Variants in EPHA7 observed in about 807,000 individuals in gnomAD.
EPHA7 encodes the protein EPH receptor A7, also known as ephrin type-A receptor 7.
A neutral mutation model predicts 112.6 loss-of-function variants in EPHA7; 25 were observed. The ratio of observed to expected loss-of-function variants is 0.22; its 90% CI spans 0.16 to 0.31. The LOEUF is 0.31. EPHA7 is among the 10% of genes least tolerant of loss of function. The probability of loss-of-function intolerance (pLI) is 1.00; values close to 1 mark genes in which losing one functional copy is unlikely to be tolerated. For missense variants in EPHA7, 962 were observed against 1,212.6 expected (o/e 0.79, Z 3.07); for synonymous variants, 437 against 406.5 (o/e 1.07, Z -0.90).
At chr6:93,312,100 C>T (rs539934852) in intron 5 of EPHA7, among the ~76,000 whole-genome samples, 1 of 152,092 alleles carries the variant, frequency 6.6e-6, no homozygotes, top group Non-Finnish European at 1.5e-5. Flanking sequence ...ATTTAAGGGC[C>T]CTAAGATTTC....
intron 3 of EPHA7, among the ~76,000 whole-genome samples, chr6:93,381,224 G>A (rs548817427): frequency 6.6e-6 from 1 of 152,184 alleles, no homozygotes; most frequent in East Asian, 1.9e-4. Context: ...ATTACAAATT[G>A]AGAAACTTTA....
At chr6:93,265,404 T>C (rs768007734) in intron 7 of EPHA7, among the ~76,000 whole-genome samples, 7 of 151,704 alleles carry the variant, frequency 4.6e-5, no homozygotes, top group African/African-American at 9.7e-5. Flanking sequence ...TACTAAATAA[T>C]TCTTCTATGC....
intron 2 of EPHA7, among the ~76,000 whole-genome samples, chr6:93,413,589 T>C (rs1056812608): frequency 6.6e-6 from 1 of 151,908 alleles, no homozygotes; most frequent in African/African-American, 2.4e-5. Context: ...GTTATATTCA[T>C]ACCTCCAACT....
chr6:93,243,480 A>C lies in EPHA7; in HGVS notation c.2943T>G (p.Ile981Met). 5.6e-6 allele frequency: 9 copies of C among 1,613,618 alleles called. No homozygotes were observed. Among genetic ancestry groups the C allele is most frequent in the Non-Finnish European group, 7.6e-6 (9 of 1,179,636 alleles). Reference sequence around the variant, plus strand: ...GTAGCATTTGTGCTCTCATAGTCTGAATGCTGCTCATGATTTTCTTTTGAT... The same window carrying C: ...GTAGCATTTGTGCTCTCATAGTCTGCATGCTGCTCATGATTTTCTTTTGAT... ...VGHQKKIMSS[I>M]QTMRAQMLHL... Residue 981 changes from isoleucine (I) to methionine (M), a missense_variant, in exon 17 of 17, where the codon ATT (isoleucine) becomes ATG (methionine). Around this residue, in one of 3 missense-constraint regions of EPHA7, gnomAD observed 746 missense variants for 889.2 expected, o/e 0.84. Coordinates refer to ENST00000369303, the MANE Select transcript of EPHA7 (RefSeq NM_004440.4).
At chr6:93,268,309 A>G (rs9351355) in intron 7 of EPHA7, among the ~76,000 whole-genome samples, 67,549 of 151,408 alleles carry the variant, frequency 0.45, 15,914 homozygotes, top group South Asian at 0.7. Flanking sequence ...TTATTTTAAA[A>G]TGTAACAAAA....
At chr6:93,327,849 T>C (rs1407894935) in intron 5 of EPHA7, among the ~76,000 whole-genome samples, 1 of 151,500 alleles carries the variant, frequency 6.6e-6, no homozygotes, top group Non-Finnish European at 1.5e-5. Context: ...GCAGCGAGAT[T>C]GTTAATGAGA....
intron 5 of EPHA7, among the ~76,000 whole-genome samples, chr6:93,289,061 C>A (rs563628076): frequency 1.1e-4 from 17 of 151,946 alleles, no homozygotes; most frequent in Middle Eastern, 6.3e-3. Flanking sequence ...TATCAATTAT[C>A]TAAAATTTCC....
At chr6:93,394,369 G>A (rs1778061476) in intron 3 of EPHA7, among the ~76,000 whole-genome samples, 1 of 151,546 alleles carries the variant, frequency 6.6e-6, no homozygotes, top group South Asian at 2.1e-4. Context: ...TCAGAACTCA[G>A]CGAAGTTACT....
intron 3 of EPHA7, among the ~76,000 whole-genome samples, chr6:93,393,816 G>A (rs775717408): frequency 6.6e-6 from 1 of 151,616 alleles, no homozygotes; most frequent in Non-Finnish European, 1.5e-5. Flanking sequence ...CTGCCTTTTA[G>A]CCAAATCATA....
chr6:93,264,863 T>G (rs1022602977), intron 7 of EPHA7, among the ~76,000 whole-genome samples, 161 bp from the exon 8 acceptor site: 3 of 151,706 alleles, frequency 2.0e-5, no homozygotes, highest in Non-Finnish European at 4.4e-5. Flanking sequence ...ATTTCTGCCT[T>G]TTAAAGAACT....
chr6:93,309,203 C>A (rs1348338645), intron 5 of EPHA7, among the ~76,000 whole-genome samples: 1 of 152,202 alleles, frequency 6.6e-6, no homozygotes, highest in African/African-American at 2.4e-5. Flanking sequence ...CCCGCCTTAG[C>A]CTCCCAAAGG....
Position 93,411,183 on chromosome 6 carries a change from A to G in EPHA7, c.163-13T>C. ...TAATTTCTTCCCACTGTAAAATTTGAAAAAAGGTCATCAGTCATTCAGCAA... is the reference window on the plus strand; with the variant it reads ...TAATTTCTTCCCACTGTAAAATTTGGAAAAAGGTCATCAGTCATTCAGCAA... On this transcript the variant is annotated splice_polypyrimidine_tract_variant and intron_variant, in intron 2 of 16. Coordinates refer to ENST00000369303, the MANE Select transcript of EPHA7 (RefSeq NM_004440.4). The G allele has an allele frequency of 6.3e-7, 1 of 1,593,518 alleles. No homozygotes were observed. The highest frequency in any genetic ancestry group is 8.6e-7 in the Non-Finnish European group (1 of 1,167,826).
intron 5 of EPHA7, 94 bp downstream of exon 5, chr6:93,356,623 G>T: frequency 1.7e-6 from 2 of 1,161,568 alleles, no homozygotes; most frequent in Non-Finnish European, 1.2e-6. Context: ...GAAGAATCAA[G>T]CTCTGTGCAG....
intron 5 of EPHA7, among the ~76,000 whole-genome samples, chr6:93,285,825 A>C (rs542149414): frequency 6.6e-6 from 1 of 152,316 alleles, no homozygotes; most frequent in South Asian, 2.1e-4. Flanking sequence ...TATAAAGTAG[A>C]TGATGTACTG....
At chr6:93,315,156 CT>C (rs1367219006) in intron 5 of EPHA7, among the ~76,000 whole-genome samples, 2 of 150,292 alleles carry the variant, frequency 1.3e-5, no homozygotes, top group East Asian at 3.9e-4. Context: ...GCCACCGCGC[CT>C]GGCCGACAAT....
chr6:93,255,863 T>C lies in EPHA7; in HGVS notation c.2347A>G (p.Ile783Val), dbSNP rs751128749. Residue 783 changes from isoleucine (I) to valine (V), a missense_variant, in exon 13 of 17, where the codon ATA (isoleucine) becomes GTA (valine). By Grantham distance (29) the Ile-to-Val change is conservative. Around this residue, in one of 3 missense-constraint regions of EPHA7, gnomAD observed 746 missense variants for 889.2 expected, o/e 0.84. Transcript: ENST00000369303. ...KVSDFGLSRV[I>V]EDDPEAVYTT... ...TAGACAGCTTCTGGATCATCCTCTA[T>C]AACTCGGGACAGGCCAAAATCTGAC... 27 of 1,613,976 alleles carry C rather than the reference T, an allele frequency of 1.7e-5. No homozygotes were observed. The South Asian group carries it at 2.5e-4, about 15-fold the overall frequency.
intron 5 of EPHA7, among the ~76,000 whole-genome samples, chr6:93,292,427 T>C (rs1267590549): frequency 6.6e-6 from 1 of 152,080 alleles, no homozygotes; most frequent in Non-Finnish European, 1.5e-5. Context: ...ACAATATTAT[T>C]TATGGGAAAC....
At chr6:93,247,031 T>A (rs986033484) in intron 14 of EPHA7, 46 bp from the exon 15 acceptor site, 3 of 1,482,700 alleles carry the variant, frequency 2.0e-6, no homozygotes, top group African/African-American at 1.4e-5. Flanking sequence ...TTAGGTTCAA[T>A]TATAATAAAC....
intron 5 of EPHA7, among the ~76,000 whole-genome samples, chr6:93,293,937 A>G (rs1772517350): frequency 6.6e-6 from 1 of 152,186 alleles, no homozygotes; most frequent in Non-Finnish European, 1.5e-5. Context: ...TGACTCCCAA[A>G]GGCAACAAGA....
Sources: allele counts gnomAD v4.1 joint callset (sites outside exome capture counted in the v4.1 genomes callset), GRCh38; gene constraint gnomAD v4.1.1; regional missense constraint gnomAD v4.1.1; transcripts MANE v1.5; gene names NCBI Gene and HGNC (gene_info 2026-07-23, HGNC 2026-07-21).